GRIA1: variants seen among roughly 807,000 people sequenced by gnomAD.
GRIA1 encodes the protein glutamate ionotropic receptor AMPA type subunit 1.
In GRIA1, 31 loss-of-function variants were observed where a neutral mutation model predicts 99.2. The observed-to-expected ratio is 0.31, with a 90% CI of 0.23 to 0.42. The LOEUF (loss-of-function observed/expected upper bound fraction) is 0.42, where lower values mean the gene tolerates loss of function less well. Among genes scored for constraint, GRIA1 ranks in the 10% least tolerant of loss-of-function variants. GRIA1 has a pLI of 1.00. For missense variants in GRIA1, 782 were observed against 1,157.5 expected (o/e 0.68, Z 4.71); for synonymous variants, 438 against 432.4 (o/e 1.01, Z -0.16).
intron 2 of GRIA1, among the ~76,000 whole-genome samples, chr5:153,609,787 TCCTGA>T (rs1301404776): frequency 6.6e-6 from 1 of 152,148 alleles, no homozygotes; most frequent in African/African-American, 2.4e-5. Context: ...GGTCTCGATC[TCCTGA>T]CCTTGTGATC....
In GRIA1 at chr5:153,674,529, C is replaced by T. The variant is rs1756429187; in HGVS notation, c.729C>T (p.Phe243=). The T allele has an allele frequency of 1.9e-6, 3 of 1,614,122 alleles. No individual in the cohort carries two copies. The highest frequency in any genetic ancestry group is 2.7e-5 in the African/African-American group (2 of 75,048). The change falls in exon 6 of 16, where the codon TTC becomes TTT. Residue 243 remains phenylalanine, a synonymous_variant. Transcript: ENST00000285900. ...TCATGGACATTGACTTAAACAAATT[C>T]AAGGAGAGTGGCGCCAATGTGACAG... ...LGFMDIDLNK[F]KESGANVTGF...
chr5:153,497,922 T>C (rs757940636), intron 2 of GRIA1, among the ~76,000 whole-genome samples: 1 of 152,192 alleles, frequency 6.6e-6, no homozygotes, highest in Non-Finnish European at 1.5e-5. Context: ...GTATGGAGTA[T>C]TGAAGATTCC....
intron 11 of GRIA1, among the ~76,000 whole-genome samples, chr5:153,741,253 C>T (rs1211182522): frequency 6.6e-6 from 1 of 152,210 alleles, no homozygotes; most frequent in South Asian, 2.1e-4. Context: ...GGATTACAGG[C>T]GTGAGCCACC....
At chr5:153,696,861 TA>T (rs1758144361) in intron 8 of GRIA1, among the ~76,000 whole-genome samples, 1 of 103,284 alleles carries the variant, frequency 9.7e-6, no homozygotes, top group Non-Finnish European at 1.9e-5. Context: ...TTAGGGTGTG[TA>T]TGTGTGTGTG....
intron 11 of GRIA1, among the ~76,000 whole-genome samples, chr5:153,727,392 T>G (rs372344486): frequency 1.3e-5 from 2 of 152,016 alleles, no homozygotes; most frequent in Non-Finnish European, 2.9e-5. Flanking sequence ...CCAGGGCAAT[T>G]AGGCAGGAGA....
rs775536849 is a variant in GRIA1 at position 153,650,501 on chromosome 5, C to A, written c.632C>A (p.Ala211Asp). The change falls in exon 4 of 16, where the codon GCT becomes GAT. Residue 211 changes from alanine (A) to aspartate (D), a missense_variant. Around this residue, in one of 5 missense-constraint regions of GRIA1, gnomAD observed 461 missense variants for 521.7 expected, o/e 0.88. Coordinates refer to ENST00000285900, the MANE Select transcript of GRIA1 (RefSeq NM_000827.4). ...VVDCESERLNAILGQIIKLEK... is the reference protein window; with the variant it reads ...VVDCESERLNDILGQIIKLEK... ...GACTGTGAATCAGAACGCCTCAATG[C>A]TATCTTGGGCCAGGTAGTGAAAGCA... 74 of 1,613,438 alleles carry A rather than the reference C, an allele frequency of 4.6e-5. No homozygotes were observed. Among genetic ancestry groups the A allele is most frequent in the South Asian group, 1.3e-4 (12 of 91,040 alleles).
At chr5:153,804,083 C>G (rs1298195954) in intron 15 of GRIA1, among the ~76,000 whole-genome samples, 1 of 152,106 alleles carries the variant, frequency 6.6e-6, no homozygotes, top group African/African-American at 2.4e-5. Context: ...TTTTTATGGG[C>G]CGATCCCTCA....
chr5:153,552,255 AAAAAG>A (rs1236503951), intron 2 of GRIA1, among the ~76,000 whole-genome samples: 2 of 152,130 alleles, frequency 1.3e-5, no homozygotes, highest in African/African-American at 2.4e-5. Flanking sequence ...AAAGAAAAAA[AAAAAG>A]AAGAAGGTTT....
At chr5:153,746,830 T>TTTTG (rs1285873820) in intron 11 of GRIA1, among the ~76,000 whole-genome samples, 13 of 152,128 alleles carry the variant, frequency 8.5e-5, no homozygotes, top group African/African-American at 3.1e-4. Context: ...CCAAATATTC[T>TTTTG]TTTGTGTCTA....
chr5:153,626,444 C>CTGTGTGTGTGTGTGTGTGTG (rs3036985), intron 2 of GRIA1, among the ~76,000 whole-genome samples: 4 of 142,334 alleles, frequency 2.8e-5, no homozygotes, highest in Non-Finnish European at 6.1e-5. Context: ...GTGTGTGTGT[C>CTGTGTGTGTGTGTGTGTGTG]TGTGTGTGTG....
At chr5:153,693,140 G>A (rs762158208) in intron 8 of GRIA1, among the ~76,000 whole-genome samples, 5 of 152,138 alleles carry the variant, frequency 3.3e-5, no homozygotes, top group Non-Finnish European at 4.4e-5. Flanking sequence ...ACCCTCCACT[G>A]TCTACTTGGG....
At chr5:153,584,466 A>G (rs1763302899) in intron 2 of GRIA1, among the ~76,000 whole-genome samples, 1 of 152,156 alleles carries the variant, frequency 6.6e-6, no homozygotes, top group Admixed American at 6.5e-5. Flanking sequence ...AAGTCTGCAC[A>G]ATCTGTTGAT....
chr5:153,764,792 A>AC (rs1581618148), intron 12 of GRIA1, among the ~76,000 whole-genome samples, 160 bp downstream of exon 12: 1 of 151,336 alleles, frequency 6.6e-6, no homozygotes, highest in African/African-American at 2.4e-5. Flanking sequence ...GCTTTCTACC[A>AC]CCCCCCTGAG....
In GRIA1 at chr5:153,699,010, A is replaced by G. The variant is rs1394427763; in HGVS notation, c.1389A>G (p.Lys463=). 27 of 1,613,974 alleles carry G rather than the reference A, an allele frequency of 1.7e-5. No individual in the cohort carries two copies. The highest frequency in any genetic ancestry group is 2.1e-5 in the Non-Finnish European group (25 of 1,180,002). Reference sequence around the variant, plus strand: ...GTCTGGAGATTGTCAGTGATGGAAAATACGGAGCCCGAGACCCTGACACGA... The same window carrying G: ...GTCTGGAGATTGTCAGTGATGGAAAGTACGGAGCCCGAGACCCTGACACGA... The part of the protein sequence containing the change: ...SYRLEIVSDG[K]YGARDPDTKA... Residue 463 remains lysine, a synonymous_variant, in exon 10 of 16, where the codon AAA becomes AAG. Transcript: ENST00000285900.
chr5:153,651,597 G>A lies in GRIA1; in HGVS notation c.645+1083G>A, dbSNP rs147825554. Among the ~76,000 whole-genome samples the A allele has an allele frequency of 2.8e-3, 432 of 152,216 alleles. 9 individuals carry two copies. Among genetic ancestry groups the A allele is most frequent in the East Asian group, 0.025 (130 of 5,170 alleles). On this transcript the variant is annotated intron_variant, in intron 4 of 15. Transcript: ENST00000285900. Reference sequence around the variant, plus strand: ...GACAACATGACAAAGTTTGTTAATGGCCTTCAAGACCCCTGGGGCCCTCAC... The same window carrying A: ...GACAACATGACAAAGTTTGTTAATGACCTTCAAGACCCCTGGGGCCCTCAC...
intron 2 of GRIA1, among the ~76,000 whole-genome samples, chr5:153,522,565 A>G (rs923389927): frequency 3.9e-5 from 6 of 152,214 alleles, no homozygotes; most frequent in African/African-American, 1.2e-4. Context: ...CAAGTCCAAC[A>G]CAAAATGGTG....
intron 13 of GRIA1, among the ~76,000 whole-genome samples, chr5:153,776,360 TG>T (rs1764253623): frequency 6.6e-6 from 1 of 152,200 alleles, no homozygotes. Flanking sequence ...AAGGCTTGAC[TG>T]GGTACAAACT....
At chr5:153,492,191 G>A (rs997037310) in intron 1 of GRIA1, 17 of 1,524,996 alleles carry the variant, frequency 1.1e-5, no homozygotes, top group African/African-American at 9.6e-5. Context: ...ATATTTTGTC[G>A]GGCATACATG....
chr5:153,742,920 T>G (rs1761909608), intron 11 of GRIA1, among the ~76,000 whole-genome samples: 1 of 152,236 alleles, frequency 6.6e-6, no homozygotes, highest in Non-Finnish European at 1.5e-5. Flanking sequence ...ATGTCACATA[T>G]TCTCAAGTTC....
Sources: allele counts gnomAD v4.1 joint callset (sites outside exome capture counted in the v4.1 genomes callset), GRCh38; gene constraint gnomAD v4.1.1; regional missense constraint gnomAD v4.1.1; transcripts MANE v1.5; gene names NCBI Gene and HGNC (gene_info 2026-07-23, HGNC 2026-07-21).